Variants in FSTL5 observed in about 807,000 individuals in gnomAD.
FSTL5 encodes follistatin like 5, also known as follistatin-related protein 5.
In FSTL5, 62 loss-of-function variants were observed where a neutral mutation model predicts 89.1. The observed-to-expected ratio is 0.70, with a 90% CI of 0.57 to 0.86. The LOEUF is 0.86. Among genes scored for constraint, FSTL5 ranks in the 40% least tolerant of loss-of-function variants. The pLI is 0.00. For synonymous variants in FSTL5, 383 were observed against 346.2 expected, an observed-to-expected ratio of 1.11 and a Z score of -1.18; for missense variants, 1,057 against 1,001.6, an observed-to-expected ratio of 1.06 and a Z score of -0.75.
At chr4:161,429,675 T>C (rs1732286481) in intron 15 of FSTL5, among the ~76,000 whole-genome samples, 1 of 152,186 alleles carries the variant, frequency 6.6e-6, no homozygotes, top group South Asian at 2.1e-4. Context: ...AATGCAGATA[T>C]GGCTGCAGAG....
intron 6 of FSTL5, among the ~76,000 whole-genome samples, chr4:161,689,793 A>C (rs920117645): frequency 6.6e-6 from 1 of 152,106 alleles, no homozygotes; most frequent in African/African-American, 2.4e-5. Context: ...TCCATTAAGC[A>C]ACTACTTAGT....
chr4:161,450,741 A>ATTTT (rs70937651), intron 15 of FSTL5, among the ~76,000 whole-genome samples: 2 of 131,586 alleles, frequency 1.5e-5, no homozygotes, highest in African/African-American at 2.9e-5. Context: ...ATTCATCTTC[A>ATTTT]TTTTTTTTTT....
At chr4:162,124,311 G>T (rs1419936916) in intron 1 of FSTL5, among the ~76,000 whole-genome samples, 1 of 152,104 alleles carries the variant, frequency 6.6e-6, no homozygotes, top group East Asian at 1.9e-4. Context: ...AAATTTAGTA[G>T]TATCATCCAA....
At chr4:161,767,613 C>T (rs1403269665) in intron 5 of FSTL5, among the ~76,000 whole-genome samples, 1 of 151,218 alleles carries the variant, frequency 6.6e-6, no homozygotes, top group African/African-American at 2.4e-5. Context: ...CAAAGATGAA[C>T]CTCAGACACC....
rs1261157412 is a variant in FSTL5 at position 161,591,441 on chromosome 4, G to A, written c.895-3866C>T. Among the ~76,000 whole-genome samples, 3 of 152,094 alleles carry A rather than the reference G, an allele frequency of 2.0e-5. No individual in the cohort carries two copies. The East Asian group carries it at 5.8e-4, about 29-fold the overall frequency. On this transcript the variant is annotated intron_variant, in intron 7 of 15. Transcript: ENST00000306100. ...TAGAAAGCACTGAATTGCACACTTC[G>A]AATGGATTAATTTTATGGTTTGTGG...
At chr4:161,794,673 TGTC>T (rs998912312) in intron 4 of FSTL5, among the ~76,000 whole-genome samples, 2 of 152,206 alleles carry the variant, frequency 1.3e-5, no homozygotes, top group Admixed American at 6.5e-5. Context: ...TCTCTCTCTC[TGTC>T]TTTACCTTTT....
intron 4 of FSTL5, among the ~76,000 whole-genome samples, chr4:161,829,562 G>C (rs532201956): frequency 6.6e-5 from 10 of 151,830 alleles, no homozygotes; most frequent in African/African-American, 2.4e-4. Context: ...GTATTTCTTA[G>C]GAATGAAAAA....
intron 8 of FSTL5, among the ~76,000 whole-genome samples, chr4:161,558,034 C>T (rs1049546952): frequency 6.6e-6 from 1 of 151,732 alleles, no homozygotes; most frequent in African/African-American, 2.4e-5. Flanking sequence ...ACGTACATAC[C>T]ATAGAACACT....
chr4:161,422,252 T>C (rs756496846), intron 15 of FSTL5, among the ~76,000 whole-genome samples: 10 of 152,050 alleles, frequency 6.6e-5, no homozygotes, highest in Non-Finnish European at 1.2e-4. Context: ...TAAAGGATTG[T>C]TTAGAACACT....
At chr4:161,520,363 T>G (rs561738394) in intron 10 of FSTL5, among the ~76,000 whole-genome samples, 1 of 151,504 alleles carries the variant, frequency 6.6e-6, no homozygotes, top group South Asian at 2.1e-4. Flanking sequence ...ATAATTGTAT[T>G]TATAATATAA....
chr4:162,007,441 T>C (rs1578941655), intron 3 of FSTL5, among the ~76,000 whole-genome samples: 1 of 151,734 alleles, frequency 6.6e-6, no homozygotes, highest in African/African-American at 2.4e-5. Context: ...CAAATAAAAA[T>C]GTAATAGAGA....
chr4:161,752,291 C>T (rs1444264929), intron 6 of FSTL5, among the ~76,000 whole-genome samples: 2 of 151,698 alleles, frequency 1.3e-5, no homozygotes, highest in South Asian at 2.1e-4. Context: ...TTTCCAGCAC[C>T]ATAGATGACC....
intron 3 of FSTL5, among the ~76,000 whole-genome samples, chr4:161,941,264 A>T (rs1319035457): frequency 6.6e-6 from 1 of 151,880 alleles, no homozygotes; most frequent in Admixed American, 6.6e-5. Flanking sequence ...AATATGTAAG[A>T]TGTATGAAAA....
chr4:161,843,650 A>C (rs1205852778), intron 4 of FSTL5, among the ~76,000 whole-genome samples: 4 of 152,114 alleles, frequency 2.6e-5, no homozygotes, highest in East Asian at 3.9e-4. Context: ...CACATCTACA[A>C]CTATCTGATC....
intron 4 of FSTL5, among the ~76,000 whole-genome samples, chr4:161,811,452 A>G (rs995254217): frequency 3.9e-5 from 6 of 152,168 alleles, no homozygotes; most frequent in African/African-American, 1.4e-4. Context: ...TGGACCTTCT[A>G]CACACATCAA....
chr4:161,783,709 T>C (rs111656081), intron 4 of FSTL5, among the ~76,000 whole-genome samples: 4 of 29,154 alleles, frequency 1.4e-4, no homozygotes, highest in Admixed American at 9.7e-4. Context: ...CTTTCTTTCT[T>C]TCTTTCTTTC....
At chr4:162,032,697 C>T (rs556961785) in intron 3 of FSTL5, 1 of 152,224 alleles carries the variant, frequency 6.6e-6, no homozygotes, top group East Asian at 1.9e-4. Flanking sequence ...AAGATTGTAT[C>T]AACAATCTAG....
At chr4:161,773,995 C>T (rs1465490088) in intron 5 of FSTL5, among the ~76,000 whole-genome samples, 1 of 152,122 alleles carries the variant, frequency 6.6e-6, no homozygotes, top group Non-Finnish European at 1.5e-5. Flanking sequence ...GGCGTGGTGG[C>T]TCACGCATGT....
Position 161,538,213 on chromosome 4 carries a change from T to A in FSTL5, c.1265A>T (p.Asp422Val). Residue 422 changes from aspartate to valine, a missense_variant, in exon 10 of 16, where the codon GAT becomes GTT. This residue lies in a region of FSTL5 where 980 missense variants were observed against 903.2 expected (regional missense o/e 1.08). Coordinates refer to ENST00000306100, the MANE Select transcript of FSTL5 (RefSeq NM_020116.5). ...TCIAKNEAGV[D>V]EDISSLFVED... The stretch of plus-strand genomic sequence containing the variant: ...CACAAAAAGAGAAGAGATGTCTTCA[T>A]CCACTCCTGCTTCATTCTTTGCGAT... The A allele has an allele frequency of 6.2e-7, 1 of 1,614,084 alleles. No homozygotes were observed. Among genetic ancestry groups the A allele is most frequent in the East Asian group, 2.2e-5 (1 of 44,862 alleles).
Sources: allele counts gnomAD v4.1 joint callset (sites outside exome capture counted in the v4.1 genomes callset), GRCh38; gene constraint gnomAD v4.1.1; regional missense constraint gnomAD v4.1.1; transcripts MANE v1.5; gene names NCBI Gene and HGNC (gene_info 2026-07-23, HGNC 2026-07-21).